TRAP1: variants seen among roughly 807,000 people sequenced by gnomAD.
TRAP1 encodes TNF receptor associated protein 1.
Under a neutral mutation model 89.1 loss-of-function variants are expected in TRAP1, and 102 were observed. That is an observed-to-expected ratio of 1.15 (90% CI 0.98 to 1.35). TRAP1 has a LOEUF of 1.35. Ranked by LOEUF, TRAP1 falls within the 40% of genes most tolerant of loss-of-function variation. The pLI is 0.00. For missense variants in TRAP1, 1,256 were observed against 945.3 expected, an observed-to-expected ratio of 1.33 and a Z score of -4.31; for synonymous variants, 508 against 388.0, an observed-to-expected ratio of 1.31 and a Z score of -3.64.
In TRAP1 at chr16:3,674,481, A is replaced by G. The variant is rs752979673; in HGVS notation, c.902T>C (p.Met301Thr). The change falls in exon 9 of 18, where the codon ATG becomes ACG. Residue 301 changes from methionine to threonine, a missense_variant. By Grantham distance (81) the Met-to-Thr change is moderately conservative. Transcript: ENST00000246957. ...RMNTLQAIWM[M>T]DPKDVREWQH... is the part of the protein sequence containing the mutation. ...CCACTCACGGACATCCTTGGGGTCC[A>G]TCATCCAGATGGCCTGGAAACGGAG... 8.1e-6 allele frequency: 13 copies of G among 1,613,946 alleles called. No individual in the cohort carries two copies. Among genetic ancestry groups the G allele is most frequent in the Middle Eastern group, 1.6e-4 (1 of 6,062 alleles).
At chr16:3,682,071 G>A (rs1425146161) in intron 4 of TRAP1, among the ~76,000 whole-genome samples, 2 of 152,092 alleles carry the variant, frequency 1.3e-5, no homozygotes, top group African/African-American at 4.8e-5. Flanking sequence ...TGTATTACTT[G>A]ATTTTTGACA....
chr16:3,701,430 G>A (rs530832505), intron 1 of TRAP1, among the ~76,000 whole-genome samples: 1 of 151,992 alleles, frequency 6.6e-6, no homozygotes, highest in Non-Finnish European at 1.5e-5. Flanking sequence ...GCTCACGCCT[G>A]TAATCCCAGC....
In TRAP1 at chr16:3,671,172, A is replaced by G. The variant is rs540316654; in HGVS notation, c.1235+550T>C. ...CCTCACCCCACAGGCTCCCTCTGAA[A>G]CCTGCCCTATGTGGCTGCCAATCTA... On this transcript the variant is annotated intron_variant, in intron 11 of 17. Transcript: ENST00000246957. 5.9e-5 allele frequency among the ~76,000 whole-genome samples: 9 copies of G among 151,916 alleles called. No homozygotes were observed. The South Asian group carries it at 1.9e-3, about 32-fold the overall frequency.
intron 1 of TRAP1, among the ~76,000 whole-genome samples, chr16:3,711,028 A>C (rs1464701221): frequency 3.5e-5 from 4 of 113,348 alleles, no homozygotes; most frequent in Non-Finnish European, 1.8e-5. Context: ...CACCCAGCTA[A>C]TTGGAAAAAA....
intron 16 of TRAP1, chr16:3,661,133 C>A (rs907649466): frequency 1.3e-5 from 2 of 151,910 alleles, no homozygotes; most frequent in Non-Finnish European, 2.9e-5. Context: ...TAAAATACCC[C>A]ATAAGACACA....
At chr16:3,659,806 A>G (rs934865103) in intron 16 of TRAP1, 1 of 151,976 alleles carries the variant, frequency 6.6e-6, no homozygotes, top group African/African-American at 2.4e-5. Flanking sequence ...CCCAAGCTAG[A>G]GTGAAATGGC....
In TRAP1 at chr16:3,679,803, A is replaced by T. The variant is rs1194250244; in HGVS notation, c.472-13T>A. On this transcript the variant is annotated splice_polypyrimidine_tract_variant and intron_variant, in intron 4 of 17. Transcript: ENST00000246957. ...CGATACCAGTATCCTGAGGAGAGAGACGCACTAAGTGCCAAGCCCCCAGCA... is the reference window on the plus strand; with the variant it reads ...CGATACCAGTATCCTGAGGAGAGAGTCGCACTAAGTGCCAAGCCCCCAGCA... The T allele has an allele frequency of 6.2e-7, 1 of 1,613,884 alleles. No individual in the cohort carries two copies. Among genetic ancestry groups the T allele is most frequent in the Non-Finnish European group, 8.5e-7 (1 of 1,179,934 alleles).
At chr16:3,689,241 A>AAT in intron 2 of TRAP1, 104 bp from the exon 3 acceptor site, 23 of 886,652 alleles carry the variant, frequency 2.6e-5, no homozygotes, top group Non-Finnish European at 3.4e-5. Flanking sequence ...TGAGTTTTAA[A>AAT]CTTTTTTTTT....
chr16:3,663,765 A>G (rs906893769), intron 13 of TRAP1: 6 of 611,156 alleles, frequency 9.8e-6, no homozygotes, highest in Non-Finnish European at 1.7e-5. Flanking sequence ...AGGCAGAAGC[A>G]CTCCACGCAT....
rs2051132193 is a variant in TRAP1 at position 3,685,923 on chromosome 16, C to T, written c.471+73G>A. ...GCCAGTACGTCCCTGGGACCCGAGA[C>T]ATCACTAGAAGGCGGATCCTGTCCT... On this transcript the variant is annotated intron_variant, in intron 4 of 17. Coordinates refer to ENST00000246957, the MANE Select transcript of TRAP1 (RefSeq NM_016292.3). 3.9e-6 allele frequency: 6 copies of T among 1,544,756 alleles called. No homozygotes were observed. The African/African-American group carries it at 4.1e-5, about 11-fold the overall frequency.
intron 13 of TRAP1, 125 bp downstream of exon 13, chr16:3,664,149 G>A (rs1043338530): frequency 9.7e-7 from 1 of 1,033,374 alleles, no homozygotes; most frequent in African/African-American, 1.6e-5. Flanking sequence ...CTGTGCCCGT[G>A]ACCCTGACCC....
At position 3,675,343 on chromosome 16, in the gene TRAP1, C is replaced by A; in HGVS notation, c.869G>T (p.Arg290Met). 4.3e-6 allele frequency: 7 copies of A among 1,614,126 alleles called. No individual in the cohort carries two copies. The highest frequency in any genetic ancestry group is 5.9e-6 in the Non-Finnish European group (7 of 1,179,974). ...FVSFPLYLNG[R>M]RMNTLQAIWM... ...GCTCACCTGCAAGGTGTTCATCCGC[C>A]TTCCATTCAAGTACAAGGGGAAGCT... is the stretch of plus-strand genomic sequence containing the variant. The change falls in exon 8 of 18, where the codon AGG becomes ATG. Residue 290 changes from arginine (R) to methionine (M), a missense_variant. Coordinates refer to ENST00000246957, the MANE Select transcript of TRAP1 (RefSeq NM_016292.3).
At chr16:3,715,310 C>A (rs578173540) in intron 1 of TRAP1, among the ~76,000 whole-genome samples, 2 of 152,094 alleles carry the variant, frequency 1.3e-5, no homozygotes, top group East Asian at 3.9e-4. Context: ...TGGTGGTGGG[C>A]GCCTAAAGTC....
intron 4 of TRAP1, among the ~76,000 whole-genome samples, chr16:3,680,567 CA>C (rs1395727961): frequency 2.0e-5 from 3 of 152,248 alleles, no homozygotes; most frequent in African/African-American, 7.2e-5. Context: ...ACCATGGGAA[CA>C]GCGGGCACAG....
At chr16:3,702,417 A>G (rs1256708991) in intron 1 of TRAP1, among the ~76,000 whole-genome samples, 1 of 151,598 alleles carries the variant, frequency 6.6e-6, no homozygotes, top group Non-Finnish European at 1.5e-5. Flanking sequence ...GTTTTTTGAG[A>G]AAAGACTTTC....
chr16:3,711,313 T>G (rs565040041), intron 1 of TRAP1, among the ~76,000 whole-genome samples: 1 of 152,068 alleles, frequency 6.6e-6, no homozygotes, highest in African/African-American at 2.4e-5. Context: ...AAAAAGCCAA[T>G]GGCAGGGCTG....
At chr16:3,669,515 C>T (rs909500347) in intron 11 of TRAP1, among the ~76,000 whole-genome samples, 1 of 152,064 alleles carries the variant, frequency 6.6e-6, no homozygotes, top group Admixed American at 6.6e-5. Context: ...AGTATTCTAT[C>T]CTAAGGAAAT....
chr16:3,680,900 T>C (rs943583109), intron 4 of TRAP1, among the ~76,000 whole-genome samples: 7 of 152,212 alleles, frequency 4.6e-5, no homozygotes, highest in Admixed American at 2.0e-4. Context: ...CCCTTGCTCT[T>C]GGACCTCCCA....
chr16:3,683,484 C>T (rs1007528014), intron 4 of TRAP1, among the ~76,000 whole-genome samples: 4 of 151,234 alleles, frequency 2.6e-5, no homozygotes, highest in Non-Finnish European at 4.4e-5. Context: ...CTCCCGGGTT[C>T]AAGCAATTCT....
Sources: gnomAD v4.1 joint callset for allele counts (sites outside exome capture counted in the v4.1 genomes callset) on GRCh38, gnomAD v4.1.1 for gene constraint, MANE v1.5 for transcripts, NCBI Gene and HGNC (gene_info 2026-07-23, HGNC 2026-07-21) for gene names.